E2F3: variants seen among roughly 807,000 people sequenced by gnomAD.
E2F3 encodes the protein E2F transcription factor 3.
A neutral mutation model predicts 44.4 loss-of-function variants in E2F3; 11 were observed. The ratio of observed to expected loss-of-function variants is 0.25; its 90% CI spans 0.16 to 0.41. E2F3 has a LOEUF of 0.41. Among genes scored for constraint, E2F3 ranks in the 10% least tolerant of loss-of-function variants. The pLI is 1.00. For synonymous variants in E2F3, 249 were observed against 253.0 expected (o/e 0.98, Z 0.15); for missense variants, 487 against 583.6 (o/e 0.83, Z 1.70).
chr6:20,459,758 T>C (rs1761436636), intron 1 of E2F3, among the ~76,000 whole-genome samples: 1 of 151,908 alleles, frequency 6.6e-6, no homozygotes, highest in Non-Finnish European at 1.5e-5. Context: ...GCCTGGGCAA[T>C]GTGGTGAAAC....
chr6:20,434,661 G>GT lies in E2F3; in HGVS notation c.393+32038dup, dbSNP rs143801488. Among the ~76,000 whole-genome samples, 303 of 152,292 alleles carry GT rather than the reference G, an allele frequency of 2.0e-3. 2 individuals carry two copies. Among genetic ancestry groups the GT allele is most frequent in the African/African-American group, 6.9e-3 (285 of 41,556 alleles). On this transcript the variant is annotated intron_variant, in intron 1 of 6. Coordinates refer to ENST00000346618, the MANE Select transcript of E2F3 (RefSeq NM_001949.5). The stretch of plus-strand genomic sequence containing the variant: ...TTCAGGTGCCTTATTAAGTTTAACT[G>GT]TTGTATAGTACAGCTTTGCTTCTTT...
chr6:20,427,906 G>T (rs563284570), intron 1 of E2F3, among the ~76,000 whole-genome samples: 3 of 152,150 alleles, frequency 2.0e-5, no homozygotes, highest in Non-Finnish European at 2.9e-5. Context: ...TGGTTCTTCT[G>T]GCCTTTGAGA....
intron 1 of E2F3, chr6:20,403,539 G>T: frequency 2.4e-6 from 1 of 421,300 alleles, no homozygotes; most frequent in East Asian, 4.1e-5. Context: ...TCGCACACGT[G>T]CGCGCAGGAC....
chr6:20,456,701 G>T (rs1053991411), intron 1 of E2F3, among the ~76,000 whole-genome samples: 1 of 152,140 alleles, frequency 6.6e-6, no homozygotes, highest in Non-Finnish European at 1.5e-5. Flanking sequence ...CTTTTTGGGG[G>T]ATTAAATAAT....
chr6:20,402,029 CCTCT>C lies in E2F3; in HGVS notation c.-200_-197del, dbSNP rs1365837391. 3.5e-6 allele frequency: 3 copies of C among 869,260 alleles called. No homozygotes were observed. In the African/African-American group the frequency reaches 5.4e-5, roughly 16 times the overall value. 53.8% of individuals were successfully genotyped at this position (869,260 alleles called of 1,614,324 possible). On this transcript the variant is annotated 5_prime_UTR_variant, in exon 1 of 7. Transcript: ENST00000346618. This position sits in a 1 kb window ranked among gnomAD's most constrained non-coding sequence, Gnocchi z 5.6. Reference sequence around the variant, plus strand: ...CCGATATCCGTGCGGCCGGGACCCTCCTCTCTCCAGAGCCCCGATTATTTTTGGC... The same window carrying C: ...CCGATATCCGTGCGGCCGGGACCCTCCTCCAGAGCCCCGATTATTTTTGGC...
At chr6:20,421,091 A>G (rs1386695757) in intron 1 of E2F3, among the ~76,000 whole-genome samples, 1 of 152,234 alleles carries the variant, frequency 6.6e-6, no homozygotes, top group Non-Finnish European at 1.5e-5. Context: ...AAGTTTGAAC[A>G]TGAGATTGTA....
chr6:20,418,306 G>A (rs532406687), intron 1 of E2F3, among the ~76,000 whole-genome samples: 121 of 152,300 alleles, frequency 7.9e-4, no homozygotes, highest in African/African-American at 2.3e-3. Context: ...TATCACATTC[G>A]ACAGTAACAA....
intron 5 of E2F3, among the ~76,000 whole-genome samples, chr6:20,487,354 T>C (rs921367107): frequency 2.0e-5 from 3 of 152,098 alleles, no homozygotes; most frequent in Non-Finnish European, 4.4e-5. Flanking sequence ...GCATAGGAGA[T>C]AAAAAGAGAA....
chr6:20,416,672 T>G (rs1477597973), intron 1 of E2F3, among the ~76,000 whole-genome samples: 1 of 152,144 alleles, frequency 6.6e-6, no homozygotes, highest in East Asian at 1.9e-4. Context: ...GTCCCCAACG[T>G]CATTCCAATG....
At chr6:20,462,046 T>A (rs564916783) in intron 1 of E2F3, among the ~76,000 whole-genome samples, 1 of 152,362 alleles carries the variant, frequency 6.6e-6, no homozygotes, top group African/African-American at 2.4e-5. Context: ...CTTCTAGGAA[T>A]CCCCTATTCC....
chr6:20,426,045 GT>G (rs1760204800), intron 1 of E2F3, among the ~76,000 whole-genome samples: 1 of 152,228 alleles, frequency 6.6e-6, no homozygotes, highest in Non-Finnish European at 1.5e-5. Context: ...GATTTTGTGT[GT>G]AAAATGGACT....
chr6:20,446,265 T>C (rs946399154), intron 1 of E2F3, among the ~76,000 whole-genome samples: 1 of 152,180 alleles, frequency 6.6e-6, no homozygotes, highest in African/African-American at 2.4e-5. Flanking sequence ...TAGCTGACGT[T>C]AAGTTTCTCA....
chr6:20,465,193 G>A (rs1336377669), intron 1 of E2F3, among the ~76,000 whole-genome samples: 3 of 152,206 alleles, frequency 2.0e-5, no homozygotes, highest in Non-Finnish European at 4.4e-5. Context: ...AGGGGACTGG[G>A]CCAAGACACC....
chr6:20,430,587 A>G (rs979121718), intron 1 of E2F3, among the ~76,000 whole-genome samples: 6 of 152,216 alleles, frequency 3.9e-5, no homozygotes, highest in Admixed American at 2.0e-4. Flanking sequence ...ACCATATTTG[A>G]CATAACACCT....
chr6:20,444,268 T>C (rs1760867390), intron 1 of E2F3, among the ~76,000 whole-genome samples: 1 of 152,226 alleles, frequency 6.6e-6, no homozygotes. Flanking sequence ...CCATGGTATA[T>C]TGTAAGTTGT....
intron 1 of E2F3, among the ~76,000 whole-genome samples, chr6:20,458,983 G>T (rs1761406396): frequency 6.6e-6 from 1 of 152,154 alleles, no homozygotes; most frequent in African/African-American, 2.4e-5. Flanking sequence ...GCCTGGAAGG[G>T]CTGGGGGCGG....
rs550734346 is a variant in E2F3, at chr6:20,419,269, C to T, written c.393+16644C>T. On this transcript the variant is annotated intron_variant, in intron 1 of 6. Coordinates refer to ENST00000346618, the MANE Select transcript of E2F3 (RefSeq NM_001949.5). Reference sequence around the variant, plus strand: ...ACTATTGCTATTATGAACAGTGCTACATTGGATATCTATGTACATAAGTTT... The same window carrying T: ...ACTATTGCTATTATGAACAGTGCTATATTGGATATCTATGTACATAAGTTT... Among the ~76,000 whole-genome samples, 6 of 152,284 alleles carry T rather than the reference C, an allele frequency of 3.9e-5. No individual in the cohort carries two copies. The East Asian group carries it at 1.2e-3, about 29-fold the overall frequency.
At chr6:20,442,812 A>G (rs1581605744) in intron 1 of E2F3, among the ~76,000 whole-genome samples, 1 of 152,128 alleles carries the variant, frequency 6.6e-6, no homozygotes, top group Non-Finnish European at 1.5e-5. Flanking sequence ...TCTACTAAAA[A>G]TAGAAAAATT....
chr6:20,468,141 CG>C (rs1761774063), intron 1 of E2F3, among the ~76,000 whole-genome samples: 1 of 152,210 alleles, frequency 6.6e-6, no homozygotes, highest in Non-Finnish European at 1.5e-5. Flanking sequence ...CATTCTGCAG[CG>C]GACACTAGCT....
Sources: allele counts gnomAD v4.1 joint callset (sites outside exome capture counted in the v4.1 genomes callset), GRCh38; gene constraint gnomAD v4.1.1; non-coding constraint Gnocchi (gnomAD v3.1); transcripts MANE v1.5; gene names NCBI Gene and HGNC (gene_info 2026-07-23, HGNC 2026-07-21).